The following COL6A1 variants were observed in gnomAD, a reference collection of about 807,000 sequenced individuals.
The protein encoded by COL6A1 is collagen type VI alpha 1 chain, also known as collagen alpha-1(VI) chain.
In COL6A1, 80 loss-of-function variants were observed where a neutral mutation model predicts 145.6. That is an observed-to-expected ratio of 0.55 (90% CI 0.46 to 0.66). The LOEUF is 0.66. Among genes scored for constraint, COL6A1 ranks in the 30% least tolerant of loss-of-function variants. The probability of loss-of-function intolerance (pLI) is 0.00; values close to 1 mark genes in which losing one functional copy is unlikely to be tolerated. For synonymous variants in COL6A1, 638 were observed against 622.8 expected (o/e 1.02, Z -0.36); for missense variants, 1,364 against 1,473.8 (o/e 0.93, Z 1.22).
chr21:46,002,090 A>G lies in COL6A1; in HGVS notation c.2066+20A>G. 4 of 1,603,000 alleles carry G rather than the reference A, an allele frequency of 2.5e-6. No homozygotes were observed. The highest frequency in any genetic ancestry group is 3.4e-6 in the Non-Finnish European group (4 of 1,176,136). On this transcript the variant is annotated intron_variant, in intron 31 of 34. Transcript: ENST00000361866. The stretch of plus-strand genomic sequence containing the variant: ...CAAGGAGTGAGTGCCCCACGCGGCC[A>G]GGACCCTCCCACCCCTCGCCCCGAC...
chr21:45,999,470 C>T (rs2077825688), intron 26 of COL6A1, 187 bp from the exon 27 acceptor site: 2 of 775,216 alleles, frequency 2.6e-6, no homozygotes, highest in Non-Finnish European at 4.3e-6. Context: ...GCCGCCTGGA[C>T]CACCAGTGTG....
chr21:45,983,101 G>A (rs1354830870), intron 2 of COL6A1, among the ~76,000 whole-genome samples: 2 of 152,352 alleles, frequency 1.3e-5, no homozygotes, highest in African/African-American at 4.8e-5. Context: ...AGGGCTCAGC[G>A]CACTGGCCCA....
Position 46,004,499 on chromosome 21 carries a change from C to T in COL6A1, c.*486C>T, listed in dbSNP as rs535913367. ...GCACTAGCCTCCCTCTCCTCTGTCCCCATAGCTGGTTTTTCCCACCAATCC... is the reference window on the plus strand; with the variant it reads ...GCACTAGCCTCCCTCTCCTCTGTCCTCATAGCTGGTTTTTCCCACCAATCC... On this transcript the variant is annotated 3_prime_UTR_variant, in exon 35 of 35. Transcript: ENST00000361866. The T allele has an allele frequency of 3.1e-6, 1 of 322,628 alleles. No homozygotes were observed. The highest frequency in any genetic ancestry group is 2.4e-5 in the South Asian group (1 of 42,150). 20.0% of individuals were successfully genotyped at this position (322,628 alleles called of 1,614,324 possible).
At chr21:45,991,203 C>T (rs750280779) in intron 15 of COL6A1, among the ~76,000 whole-genome samples, 162 bp downstream of exon 15, 9 of 152,202 alleles carry the variant, frequency 5.9e-5, no homozygotes, top group Non-Finnish European at 7.4e-5. Context: ...AGAGGAGCAG[C>T]GGGGACAGTG....
intron 24 of COL6A1, 85 bp from the exon 25 acceptor site, chr21:45,998,812 A>C: frequency 7.9e-7 from 1 of 1,267,428 alleles, no homozygotes; most frequent in Non-Finnish European, 1.1e-6. Flanking sequence ...TGCCTCTCTT[A>C]TCTTTATTTT....
At position 45,990,428 on chromosome 21, in the gene COL6A1, TG is replaced by T; in HGVS notation, c.1002+12del. On this transcript the variant is annotated splice_region_variant and intron_variant, in intron 13 of 34. Coordinates refer to ENST00000361866, the MANE Select transcript of COL6A1 (RefSeq NM_001848.3). The stretch of plus-strand genomic sequence containing the variant: ...ACGGGGTGGACGGCGTGAAGGTGAC[TG>T]GGGGGAGATAGGATGGACGGGGAGG... The T allele has an allele frequency of 2.9e-6, 3 of 1,043,936 alleles. No individual in the cohort carries two copies. Among genetic ancestry groups the T allele is most frequent in the Admixed American group, 3.3e-5 (1 of 30,106 alleles). The allele number at this position is 1,043,936 out of a possible 1,614,324, so 64.7% of individuals were successfully genotyped here.
chr21:45,990,899 T>G (rs1022333299), intron 14 of COL6A1, 73 bp downstream of exon 14: 14 of 1,609,182 alleles, frequency 8.7e-6, no homozygotes, highest in Non-Finnish European at 1.2e-5. Context: ...CGTTTTGACT[T>G]CTGTCTGGGC....
chr21:45,987,426 G>T, intron 6 of COL6A1, 73 bp from the exon 7 acceptor site: 1 of 1,596,838 alleles, frequency 6.3e-7, no homozygotes, highest in Non-Finnish European at 8.6e-7. Flanking sequence ...TGCCTGGGTC[G>T]CATGTCACCC....
intron 20 of COL6A1, among the ~76,000 whole-genome samples, chr21:45,995,011 G>A (rs1186411111): frequency 1.3e-5 from 2 of 152,278 alleles, no homozygotes; most frequent in Admixed American, 6.5e-5. Context: ...AGCTGTCTCA[G>A]ACGTCCAGCA....
At chr21:46,001,151 G>A (rs2123488636) in intron 29 of COL6A1, 102 bp from the exon 30 acceptor site, 1 of 1,501,490 alleles carries the variant, frequency 6.7e-7, no homozygotes, top group Admixed American at 1.8e-5. Flanking sequence ...CAACGTGTCA[G>A]GTGAGGATGT....
In COL6A1 at chr21:45,992,805, G is replaced by A. The variant is rs778234022; in HGVS notation, c.1330G>A (p.Asp444Asn). ...CCCAGGCACGCGGGGACCAAGAGGA[G>A]ACCCTGTGAGTCACAGTTCCTGGAG... is the stretch of plus-strand genomic sequence containing the variant. ...GTPGTRGPRG[D>N]PGEAGPQGDQ... The change falls in exon 19 of 35, where the codon GAC becomes AAC. Residue 444 changes from aspartate to asparagine, a missense_variant. Coordinates refer to ENST00000361866, the MANE Select transcript of COL6A1 (RefSeq NM_001848.3). 1.9e-6 allele frequency: 3 copies of A among 1,597,446 alleles called. No homozygotes were observed. Among genetic ancestry groups the A allele is most frequent in the East Asian group, 2.3e-5 (1 of 44,426 alleles).
At chr21:45,996,057 C>T (rs1224410293) in intron 20 of COL6A1, among the ~76,000 whole-genome samples, 1 of 152,206 alleles carries the variant, frequency 6.6e-6, no homozygotes, top group African/African-American at 2.4e-5. Flanking sequence ...CAGGGCTGGT[C>T]CCAGGAGGTG....
At chr21:45,989,836 C>T (rs377159023) in intron 11 of COL6A1, 58 bp downstream of exon 11, 74 of 1,606,450 alleles carry the variant, frequency 4.6e-5, no homozygotes, top group African/African-American at 2.7e-4. Context: ...CCATCCTGGA[C>T]GAGGGTGTCC....
At position 45,999,941 on chromosome 21, in the gene COL6A1, G is replaced by GAA. The variant is rs1569518898; in HGVS notation, c.1776+249_1776+250insAA. Among the ~76,000 whole-genome samples, 522 of 29,984 alleles carry GAA rather than the reference G, an allele frequency of 0.017. 44 individuals are homozygous for GAA. The highest frequency in any genetic ancestry group is 0.038 in the Middle Eastern group (2 of 52). The allele number at this position is 29,984 out of a possible 152,430, so 19.7% of individuals were successfully genotyped here. On this transcript the variant is annotated intron_variant, in intron 27 of 34. Transcript: ENST00000361866. ...GGGGGACATGTGAGGATCATGGGGG[G>GAA]GACGTGTGAGGATCATGGGAGGACG...
intron 33 of COL6A1, 119 bp from the exon 34 acceptor site, chr21:46,003,001 C>T (rs137875990): frequency 1.9e-5 from 28 of 1,450,370 alleles, no homozygotes; most frequent in South Asian, 8.2e-5. Context: ...CCTCCCGGCT[C>T]GCTGTGACTT....
Position 45,998,222 on chromosome 21 carries a change from C to T in COL6A1, c.1575+51C>T, listed in dbSNP as rs377153805. 546 of 1,599,834 alleles carry T rather than the reference C, an allele frequency of 3.4e-4. 2 individuals are homozygous for T. The East Asian group carries it at 6.7e-3, about 20-fold the overall frequency. ...AGGAACATGCCCAAGCTGCCTGCGG[C>T]GCCCTCTTTAGTGGACTGGGCACTC... On this transcript the variant is annotated intron_variant, in intron 23 of 34. Transcript: ENST00000361866.
chr21:45,988,891 G>A, intron 8 of COL6A1, among the ~76,000 whole-genome samples, 193 bp from the exon 9 acceptor site: 1 of 152,188 alleles, frequency 6.6e-6, no homozygotes, highest in East Asian at 1.9e-4. Flanking sequence ...CAGGAACGAA[G>A]GCAGGGAGTG....
rs149531381 is a variant in COL6A1, at chr21:46,004,454, G to A, written c.*441G>A. On this transcript the variant is annotated 3_prime_UTR_variant, in exon 35 of 35. Coordinates refer to ENST00000361866, the MANE Select transcript of COL6A1 (RefSeq NM_001848.3). ...TGCATCCCACCAGCCTGAGCAAGAC[G>A]CCCTCTCGGGGCCTGTGCCGCACTA... 1.2e-3 allele frequency: 372 copies of A among 312,028 alleles called. 2 individuals are homozygous for A. Among genetic ancestry groups the A allele is most frequent in the African/African-American group, 7.5e-3 (342 of 45,574 alleles). 19.3% of individuals were successfully genotyped at this position (312,028 alleles called of 1,614,324 possible).
At chr21:45,996,574 G>A (rs1357374341) in intron 20 of COL6A1, among the ~76,000 whole-genome samples, 4 of 151,948 alleles carry the variant, frequency 2.6e-5, no homozygotes, top group Non-Finnish European at 2.9e-5. Flanking sequence ...CCAGGGACAG[G>A]CGTCTGAGCA....
Sources: gnomAD v4.1 joint callset for allele counts (sites outside exome capture counted in the v4.1 genomes callset) on GRCh38, gnomAD v4.1.1 for gene constraint, MANE v1.5 for transcripts, NCBI Gene and HGNC (gene_info 2026-07-23, HGNC 2026-07-21) for gene names.